Variants in PARN observed in about 807,000 individuals in gnomAD.
The protein encoded by PARN is poly(A)-specific ribonuclease PARN.
A neutral mutation model predicts 102.8 loss-of-function variants in PARN; 71 were observed. The observed-to-expected ratio is 0.69, with a 90% CI of 0.57 to 0.84. The LOEUF (loss-of-function observed/expected upper bound fraction) is 0.84, where lower values mean the gene tolerates loss of function less well. Ranked by LOEUF, PARN falls within the 40% of genes least tolerant of loss-of-function variation. The pLI is 0.00. For missense variants in PARN, 782 were observed against 760.9 expected, an observed-to-expected ratio of 1.03 and a Z score of -0.33; for synonymous variants, 261 against 252.9, an observed-to-expected ratio of 1.03 and a Z score of -0.30.
intron 22 of PARN, among the ~76,000 whole-genome samples, chr16:14,449,493 A>G (rs1037250904): frequency 6.6e-6 from 1 of 152,214 alleles, no homozygotes; most frequent in African/African-American, 2.4e-5. Flanking sequence ...AGACATAATA[A>G]AGGATTTATG....
chr16:14,611,003 A>G lies in PARN; in HGVS notation c.389-194T>C, dbSNP rs118057848. Among the ~76,000 whole-genome samples, 707 of 152,348 alleles carry G rather than the reference A, an allele frequency of 4.6e-3. 1 individual carries two copies. Among genetic ancestry groups the G allele is most frequent in the Non-Finnish European group, 8.3e-3 (562 of 68,038 alleles). On this transcript the variant is annotated intron_variant, in intron 6 of 23. Coordinates refer to ENST00000437198, the MANE Select transcript of PARN (RefSeq NM_002582.4). ...CATTCATTCAGTCTTCTTTCAAGAAATATTTATCTGGCACTTATGCTGTGC... is the reference window on the plus strand; with the variant it reads ...CATTCATTCAGTCTTCTTTCAAGAAGTATTTATCTGGCACTTATGCTGTGC...
intron 18 of PARN, among the ~76,000 whole-genome samples, chr16:14,574,650 T>C (rs567267498): frequency 1.7e-4 from 26 of 152,066 alleles, no homozygotes; most frequent in African/African-American, 6.0e-4. Context: ...GAGGCAGAGG[T>C]TGCAGTGAGC....
intron 21 of PARN, among the ~76,000 whole-genome samples, chr16:14,518,200 G>C (rs1645513048): frequency 7.5e-6 from 1 of 133,182 alleles, no homozygotes; most frequent in Non-Finnish European, 1.6e-5. Flanking sequence ...CACAGAGAAA[G>C]ACTACTTCAT....
intron 21 of PARN, among the ~76,000 whole-genome samples, chr16:14,534,039 T>C (rs1193033524): frequency 1.3e-5 from 2 of 152,084 alleles, no homozygotes; most frequent in Admixed American, 6.5e-5. Context: ...CTGGACAACA[T>C]GGTGAAACCC....
At chr16:14,500,532 T>TC (rs1473348194) in intron 21 of PARN, among the ~76,000 whole-genome samples, 2 of 152,140 alleles carry the variant, frequency 1.3e-5, no homozygotes, top group African/African-American at 4.8e-5. Flanking sequence ...CAGCCAGGGC[T>TC]ATAGGCACGT....
chr16:14,457,184 T>C (rs564562713), intron 22 of PARN, among the ~76,000 whole-genome samples: 58 of 152,286 alleles, frequency 3.8e-4, no homozygotes, highest in Middle Eastern at 3.4e-3. Flanking sequence ...CATTCCAGTG[T>C]ATGGGCAGCT....
At chr16:14,471,903 G>C (rs1313826246) in intron 22 of PARN, among the ~76,000 whole-genome samples, 1 of 152,140 alleles carries the variant, frequency 6.6e-6, no homozygotes, top group African/African-American at 2.4e-5. Flanking sequence ...GCATGTATTA[G>C]AATCTCCTTC....
At chr16:14,522,124 T>C (rs1965769202) in intron 21 of PARN, among the ~76,000 whole-genome samples, 1 of 152,216 alleles carries the variant, frequency 6.6e-6, no homozygotes, top group Non-Finnish European at 1.5e-5. Context: ...ACTAAGCTTA[T>C]GACTGTATTA....
rs552166226 is a variant in PARN, at chr16:14,472,044, G to A, written c.1670+10594C>T. 1.5e-3 allele frequency among the ~76,000 whole-genome samples: 229 copies of A among 152,264 alleles called. 2 individuals carry two copies. The highest frequency in any genetic ancestry group is 2.1e-3 in the Non-Finnish European group (142 of 68,016). On this transcript the variant is annotated intron_variant, in intron 22 of 23. Transcript: ENST00000437198. Reference sequence around the variant, plus strand: ...CTATCCCCTCTCAAAGAAAGCAACCGTGTCCTGACCTACTGGTCCAAGAGA... The same window carrying A: ...CTATCCCCTCTCAAAGAAAGCAACCATGTCCTGACCTACTGGTCCAAGAGA...
At position 14,482,678 on chromosome 16, in the gene PARN, T is replaced by A. The variant is rs779379622; in HGVS notation, c.1630A>T (p.Ile544Leu). 2.5e-6 allele frequency: 4 copies of A among 1,613,678 alleles called. No individual in the cohort carries two copies. The highest frequency in any genetic ancestry group is 3.4e-6 in the Non-Finnish European group (4 of 1,179,740). The change falls in exon 22 of 24, where the codon ATA (isoleucine) becomes TTA (leucine). Residue 544 changes from isoleucine (I) to leucine (L), a missense_variant. By Grantham distance (5) the Ile-to-Leu change is conservative (BLOSUM62 2). Coordinates refer to ENST00000437198, the MANE Select transcript of PARN (RefSeq NM_002582.4). ...ADSKRLNPQCIPYTLQNHYYR... is the reference protein window; with the variant it reads ...ADSKRLNPQCLPYTLQNHYYR... ...TAGTGATTCTGCAGGGTGTAGGGTATGCACTGGGGGTTTAACCGTTTGCTG... is the reference window on the plus strand; with the variant it reads ...TAGTGATTCTGCAGGGTGTAGGGTAAGCACTGGGGGTTTAACCGTTTGCTG...
intron 22 of PARN, among the ~76,000 whole-genome samples, chr16:14,468,822 G>A (rs1203692726): frequency 1.3e-5 from 2 of 151,756 alleles, no homozygotes; most frequent in Non-Finnish European, 1.5e-5. Flanking sequence ...TGGGAGGATC[G>A]CTTGAGCCCA....
At chr16:14,502,475 G>A (rs116488787) in intron 21 of PARN, among the ~76,000 whole-genome samples, 1,540 of 152,298 alleles carry the variant, frequency 0.01, 27 homozygotes, top group African/African-American at 0.035. Context: ...CTTGCTACAA[G>A]AAGAGTGTGA....
chr16:14,520,186 T>C (rs556025713), intron 21 of PARN, among the ~76,000 whole-genome samples: 115 of 152,168 alleles, frequency 7.6e-4, no homozygotes, highest in Non-Finnish European at 6.0e-4. Flanking sequence ...ACGAATAACC[T>C]TGCTTCTTCA....
At chr16:14,623,528 G>A (rs1468347812) in intron 5 of PARN, among the ~76,000 whole-genome samples, 6 of 149,062 alleles carry the variant, frequency 4.0e-5, no homozygotes, top group African/African-American at 1.2e-4. Flanking sequence ...CAAAAAAAAA[G>A]AAAAGAAAAA....
intron 21 of PARN, among the ~76,000 whole-genome samples, chr16:14,485,656 CTT>C (rs559156481): frequency 6.9e-6 from 1 of 144,492 alleles, no homozygotes; most frequent in Admixed American, 6.9e-5. Flanking sequence ...TATTTCAATT[CTT>C]TTTTTTTTTT....
chr16:14,558,956 C>T (rs1042259000), intron 18 of PARN, among the ~76,000 whole-genome samples: 14 of 152,038 alleles, frequency 9.2e-5, no homozygotes, highest in African/African-American at 2.9e-4. Flanking sequence ...AAAAGCCAAC[C>T]GAAAATGCCA....
intron 19 of PARN, among the ~76,000 whole-genome samples, chr16:14,554,919 A>G (rs955744857): frequency 6.6e-6 from 1 of 152,188 alleles, no homozygotes; most frequent in African/African-American, 2.4e-5. Flanking sequence ...TTCTAATCCC[A>G]AACCTAGAAC....
At chr16:14,447,170 T>C in intron 22 of PARN, 89 bp from the exon 23 acceptor site, 1 of 808,900 alleles carries the variant, frequency 1.2e-6, no homozygotes, top group Non-Finnish European at 1.8e-6. Context: ...CTTAATTCTA[T>C]TAACACTCAG....
chr16:14,569,009 C>T (rs895448390), intron 18 of PARN, among the ~76,000 whole-genome samples: 3 of 151,806 alleles, frequency 2.0e-5, no homozygotes, highest in Non-Finnish European at 4.4e-5. Context: ...GCCAAGAGTT[C>T]GAGACCAGCC....
Sources: allele counts gnomAD v4.1 joint callset (sites outside exome capture counted in the v4.1 genomes callset), GRCh38; gene constraint gnomAD v4.1.1; transcripts MANE v1.5; gene names NCBI Gene and HGNC (gene_info 2026-07-23, HGNC 2026-07-21).